Variants in ZNF695 observed in about 807,000 individuals in gnomAD.
The protein encoded by ZNF695 is zinc finger protein 695.
ZNF695 carries 11 observed loss-of-function variants against 11.2 expected under a neutral mutation model. That is an observed-to-expected ratio of 0.98 (90% CI 0.62 to 1.62). The LOEUF (loss-of-function observed/expected upper bound fraction) is 1.62. Ranked by LOEUF, ZNF695 falls within the 40% of genes most tolerant of loss-of-function variation. The probability of loss-of-function intolerance (pLI) is 0.00; values close to 1 mark genes in which losing one functional copy is unlikely to be tolerated. For synonymous variants in ZNF695, 190 were observed against 201.4 expected, an observed-to-expected ratio of 0.94 and a Z score of 0.48; for missense variants, 559 against 590.5, an observed-to-expected ratio of 0.95 and a Z score of 0.55.
chr1:246,954,610 A>T (rs1221156643), intron 5 of ZNF695, among the ~76,000 whole-genome samples: 1 of 152,160 alleles, frequency 6.6e-6, no homozygotes, highest in African/African-American at 2.4e-5. Context: ...GCTTCTATAT[A>T]TGGAAACCAT....
intron 5 of ZNF695, among the ~76,000 whole-genome samples, chr1:246,952,038 T>C (rs1015078597): frequency 1.3e-5 from 2 of 152,152 alleles, no homozygotes; most frequent in African/African-American, 4.8e-5. Flanking sequence ...AGCTTTGACC[T>C]CCCAGGCTCA....
chr1:246,983,581 G>A (rs961760295), downstream of ZNF695, among the ~76,000 whole-genome samples: 5 of 152,258 alleles, frequency 3.3e-5, no homozygotes, highest in Middle Eastern at 3.4e-3. Flanking sequence ...CACTTTGAGA[G>A]GCTGAGGTGG....
downstream of ZNF695, among the ~76,000 whole-genome samples, chr1:246,981,564 C>T (rs1327959102): frequency 1.3e-5 from 2 of 152,082 alleles, no homozygotes; most frequent in Non-Finnish European, 2.9e-5. Flanking sequence ...TGTTTTTGTT[C>T]TATTAGTCCG....
chr1:246,985,178 A>T, downstream of ZNF695: 2 of 492,050 alleles, frequency 4.1e-6, no homozygotes, highest in Non-Finnish European at 5.3e-6. Flanking sequence ...ATTTATCCTT[A>T]GAGTAGTATA....
Position 246,986,601 on chromosome 1 carries a change from A to G in ZNF695, c.*366T>C, listed in dbSNP as rs189529936. 144 of 1,010,768 alleles carry G rather than the reference A, an allele frequency of 1.4e-4. No individual in the cohort carries two copies. In the African/African-American group the frequency reaches 2.3e-3, roughly 16 times the overall value. The allele number at this position is 1,010,768 out of a possible 1,614,324, so 62.6% of individuals were successfully genotyped here. On this transcript the variant is annotated 3_prime_UTR_variant, in exon 4 of 4. Coordinates refer to ENST00000339986, the MANE Select transcript of ZNF695 (RefSeq NM_020394.5). ...CTGTAAAACAGTTTTTAGTGTGAAC[A>G]CTCTGGTGTTTTCTGAGGTATATTT...
In ZNF695 at chr1:246,987,482, T is replaced by C; in HGVS notation, c.1033A>G (p.Ile345Val). Reference sequence around the variant, plus strand: ...CGGAAGGTTTTCTCTCCAGTATGAATTCTTCTATGTTGAGTAAGGTATGAC... The same window carrying C: ...CGGAAGGTTTTCTCTCCAGTATGAACTCTTCTATGTTGAGTAAGGTATGAC... ...LLSYLTQHRR[I>V]HTGEKTFRCE... The change falls in exon 4 of 4, where the codon ATT becomes GTT. Residue 345 changes from isoleucine (I) to valine (V), a missense_variant. By Grantham distance (29) the Ile-to-Val change is conservative. Transcript: ENST00000339986. The C allele has an allele frequency of 6.2e-7, 1 of 1,611,000 alleles. No homozygotes were observed. The highest frequency in any genetic ancestry group is 8.5e-7 in the Non-Finnish European group (1 of 1,178,676).
At position 246,976,742 on chromosome 1, in the gene ZNF695, T is replaced by G. The variant is rs112828171; in HGVS notation, c.391-8950A>C. Among the ~76,000 whole-genome samples, 16 of 152,148 alleles carry G rather than the reference T, an allele frequency of 1.1e-4. No individual in the cohort carries two copies. The East Asian group carries it at 2.3e-3, about 22-fold the overall frequency. ...CCGGGAGGCAGAGCTTGCAGTGTGC[T>G]GAGATCGCGCCACTGCACTCCAGCC... is the stretch of plus-strand genomic sequence containing the variant. On this transcript the variant is annotated intron_variant, in intron 4 of 5. Transcript: ENST00000487338.
chr1:246,992,740 G>T (rs1669078540), intron 3 of ZNF695, among the ~76,000 whole-genome samples: 1 of 152,004 alleles, frequency 6.6e-6, no homozygotes, highest in Non-Finnish European at 1.5e-5. Flanking sequence ...ATCAATGAAG[G>T]GTTTGCAGGT....
intron 3 of ZNF695, among the ~76,000 whole-genome samples, chr1:246,990,337 C>T (rs1668995022): frequency 6.6e-6 from 1 of 152,032 alleles, no homozygotes; most frequent in Admixed American, 6.6e-5. Context: ...TCAGTCAAAA[C>T]AGATTTCAAG....
chr1:247,004,147 G>T (rs1255355041), intron 1 of ZNF695, among the ~76,000 whole-genome samples: 6 of 152,160 alleles, frequency 3.9e-5, no homozygotes, highest in African/African-American at 1.4e-4. Flanking sequence ...GAGGGCGGAG[G>T]TTGCAGTGAG....
chr1:246,973,720 C>T (rs1375237836), intron 4 of ZNF695, among the ~76,000 whole-genome samples: 3 of 152,184 alleles, frequency 2.0e-5, no homozygotes, highest in Non-Finnish European at 4.4e-5. Flanking sequence ...AAAAAGGCAT[C>T]TTTTATAGAT....
At chr1:246,973,700 T>A (rs10924877) in intron 4 of ZNF695, among the ~76,000 whole-genome samples, 2 of 152,178 alleles carry the variant, frequency 1.3e-5, no homozygotes, top group Non-Finnish European at 2.9e-5. Context: ...TTAAGCCTCA[T>A]AACAACTTGA....
At chr1:246,957,523 T>A (rs1668031715) in intron 5 of ZNF695, among the ~76,000 whole-genome samples, 1 of 152,208 alleles carries the variant, frequency 6.6e-6, no homozygotes. Flanking sequence ...ATTCTTTTCA[T>A]CTTTTTCTAA....
Position 246,952,854 on chromosome 1 carries a change from G to A in ZNF695, c.489-7027C>T, listed in dbSNP as rs557309240. Among the ~76,000 whole-genome samples, 220 of 151,826 alleles carry A rather than the reference G, an allele frequency of 1.4e-3. 6 individuals are homozygous for A. The highest frequency in any genetic ancestry group is 5.1e-3 in the African/African-American group (210 of 41,228). On this transcript the variant is annotated intron_variant, in intron 5 of 5. Transcript: ENST00000487338. ...AGCACTTTGGGAGGCTGAGGCAGGA[G>A]GATCACTTAAGCCCAGGAGTTCAAG...
At chr1:246,997,760 T>C (rs1202173480) in intron 3 of ZNF695, among the ~76,000 whole-genome samples, 27 of 152,226 alleles carry the variant, frequency 1.8e-4, no homozygotes, top group Admixed American at 1.8e-3. Flanking sequence ...CCTGCCATTC[T>C]AACAACATAC....
chr1:246,987,576 T>C lies in ZNF695; in HGVS notation c.939A>G (p.Gln313=). 8.8e-6 allele frequency: 14 copies of C among 1,598,068 alleles called. No homozygotes were observed. Among genetic ancestry groups the C allele is most frequent in the Non-Finnish European group, 1.2e-5 (14 of 1,174,022 alleles). ...TCTCTCTACTATGAATTCTCTTGTG[T>C]TGAGTAAGGTATGGGAACAACTTAA... ...KSFKLFPYLT[Q]HKRIHSREKP... is the part of the protein sequence containing the mutation. Residue 313 remains glutamine, a synonymous_variant, in exon 4 of 4, where the codon CAA becomes CAG. Transcript: ENST00000339986.
At chr1:247,007,808 C>A in intron 1 of ZNF695, 98 bp downstream of exon 1, 1 of 1,400,204 alleles carries the variant, frequency 7.1e-7, no homozygotes, top group South Asian at 1.6e-5. Context: ...GAGCCGACCG[C>A]CGGGAGGCCC....
rs115859900 is a variant in ZNF695, at chr1:247,003,560, A to G, written c.4-3486T>C. On this transcript the variant is annotated intron_variant, in intron 1 of 3. Transcript: ENST00000339986. ...CAACCATGAAACAAAATTTGCCAAT[A>G]TAACAAACCTGCACACATACTCCCT... Among the ~76,000 whole-genome samples the G allele has an allele frequency of 5.3e-3, 815 of 152,354 alleles. 5 individuals are homozygous for G. The highest frequency in any genetic ancestry group is 8.3e-3 in the Non-Finnish European group (567 of 68,032).
chr1:246,990,635 C>T (rs576671578), intron 3 of ZNF695, among the ~76,000 whole-genome samples: 6 of 152,286 alleles, frequency 3.9e-5, no homozygotes, highest in Admixed American at 1.3e-4. Context: ...AGTTGCAGAA[C>T]GTTTCATGCA....
Sources: allele counts gnomAD v4.1 joint callset (sites outside exome capture counted in the v4.1 genomes callset), GRCh38; gene constraint gnomAD v4.1.1; transcripts MANE v1.5; gene names NCBI Gene and HGNC (gene_info 2026-07-23, HGNC 2026-07-21).